Variants in HACD4 observed in about 807,000 individuals in gnomAD.
HACD4 encodes the protein very-long-chain (3R)-3-hydroxyacyl-CoA dehydratase 4.
HACD4 carries 35 observed loss-of-function variants against 33.3 expected under a neutral mutation model. That is an observed-to-expected ratio of 1.05 (90% CI 0.80 to 1.39). The LOEUF is 1.39. Ranked by LOEUF, HACD4 falls within the 40% of genes most tolerant of loss-of-function variation. The pLI is 0.00. For missense variants in HACD4, 323 were observed against 276.5 expected (o/e 1.17, Z -1.19); for synonymous variants, 118 against 98.0 (o/e 1.20, Z -1.21).
intron 3 of HACD4, among the ~76,000 whole-genome samples, chr9:21,020,544 T>C (rs971089623): frequency 7.9e-5 from 12 of 152,236 alleles, no homozygotes; most frequent in African/African-American, 2.9e-4. Context: ...GTTGTTTTGA[T>C]TAAATTTACT....
rs1463927903 is a variant in HACD4, at chr9:21,031,630, G to A, written c.-40C>T. 2 of 1,352,194 alleles carry A rather than the reference G, an allele frequency of 1.5e-6. No individual in the cohort carries two copies. Among genetic ancestry groups the A allele is most frequent in the East Asian group, 6.2e-5 (2 of 32,206 alleles). 83.8% of individuals were successfully genotyped at this position (1,352,194 alleles called of 1,614,324 possible). A position where few individuals can be genotyped will look rare whatever the true frequency, so the allele number is the denominator to read the frequency against. On this transcript the variant is annotated 5_prime_UTR_variant, in exon 1 of 7. Transcript: ENST00000495827. ...AGGGCTTCCAGCGCGGTCCAGGAAG[G>A]AGTACCGGGGAGGAGGCAGGGGCGG... is the stretch of plus-strand genomic sequence containing the variant.
intron 3 of HACD4, among the ~76,000 whole-genome samples, chr9:21,021,796 C>T (rs1433990457): frequency 6.6e-6 from 1 of 152,110 alleles, no homozygotes; most frequent in African/African-American, 2.4e-5. Flanking sequence ...TGAAAATGGC[C>T]ATACTGCCCA....
chr9:21,019,962 ATTCCTTTG>A (rs1817863116), intron 3 of HACD4, among the ~76,000 whole-genome samples: 1 of 152,094 alleles, frequency 6.6e-6, no homozygotes, highest in Non-Finnish European at 1.5e-5. Flanking sequence ...GCAAAAAGGA[ATTCCTTTG>A]GGAATTCCTT....
Position 21,016,735 on chromosome 9 carries a change from A to G in HACD4, c.271-725T>C, listed in dbSNP as rs551629448. Among the ~76,000 whole-genome samples the G allele has an allele frequency of 5.8e-3, 890 of 152,188 alleles. 16 individuals carry two copies. Among genetic ancestry groups the G allele is most frequent in the African/African-American group, 0.021 (855 of 41,522 alleles). ...GGAGGTGGGTTGTGAAGGGTTTTGA[A>G]AGACAGGCTGAGAAATTTCAGTTCC... On this transcript the variant is annotated intron_variant, in intron 3 of 6. Transcript: ENST00000495827.
chr9:21,025,449 A>G (rs1818038679), intron 3 of HACD4, among the ~76,000 whole-genome samples: 1 of 152,136 alleles, frequency 6.6e-6, no homozygotes, highest in Admixed American at 6.5e-5. Flanking sequence ...ACACCATAAA[A>G]TTCTGACATT....
chr9:21,028,118 A>T lies in HACD4; in HGVS notation c.142+1177T>A, dbSNP rs900154514. ...CCATTGCACTCCAGCCTGGGCGACA[A>T]GAGGGAAACTCCATCTCAAAAAAAA... On this transcript the variant is annotated intron_variant, in intron 2 of 6. Transcript: ENST00000495827. Among the ~76,000 whole-genome samples the T allele has an allele frequency of 7.0e-5, 10 of 143,794 alleles. No individual in the cohort carries two copies. In the Admixed American group the frequency reaches 7.5e-4, roughly 11 times the overall value. 94.3% of individuals were successfully genotyped at this position (143,794 alleles called of 152,430 possible).
chr9:21,023,937 T>C (rs1208579596), intron 3 of HACD4, among the ~76,000 whole-genome samples: 9 of 152,230 alleles, frequency 5.9e-5, no homozygotes, highest in Non-Finnish European at 1.2e-4. Context: ...ACATGGTTTT[T>C]TAGCTTACTT....
rs940798175 is a variant in HACD4, at chr9:21,000,645, G to A, written c.*6392C>T. 3.9e-5 allele frequency: 6 copies of A among 152,006 alleles called. No individual in the cohort carries two copies. The highest frequency in any genetic ancestry group is 7.4e-5 in the Non-Finnish European group (5 of 67,976). The allele number at this position is 152,006 out of a possible 1,614,324, so 9.4% of individuals were successfully genotyped here. A position where few individuals can be genotyped will look rare whatever the true frequency, so the allele number is the denominator to read the frequency against. On this transcript the variant is annotated 3_prime_UTR_variant, in exon 7 of 7. Transcript: ENST00000495827. ...TCAACATTAGCATATAACTCAGACC[G>A]AGAAGAATATTAAAATTATCCGAAC...
chr9:21,028,457 T>C (rs1374002015), intron 2 of HACD4, among the ~76,000 whole-genome samples: 1 of 152,252 alleles, frequency 6.6e-6, no homozygotes, highest in African/African-American at 2.4e-5. Flanking sequence ...CGAGACTATA[T>C]CTGTAGATTT....
intron 1 of HACD4, among the ~76,000 whole-genome samples, chr9:21,030,914 C>T (rs1587844679): frequency 6.6e-6 from 1 of 152,156 alleles, no homozygotes; most frequent in Non-Finnish European, 1.5e-5. Context: ...ACGGGAGTGG[C>T]CCTGCCAGTG....
intron 1 of HACD4, 78 bp downstream of exon 1, chr9:21,031,475 C>T: frequency 4.4e-6 from 6 of 1,367,010 alleles, no homozygotes; most frequent in South Asian, 1.7e-5. Context: ...CGCCCGCCCG[C>T]CCGCCGCAGA....
chr9:21,025,198 T>A (rs1818031211), intron 3 of HACD4, among the ~76,000 whole-genome samples: 1 of 152,184 alleles, frequency 6.6e-6, no homozygotes, highest in South Asian at 2.1e-4. Flanking sequence ...TTCAACATTT[T>A]AAATGTCTTT....
intron 5 of HACD4, among the ~76,000 whole-genome samples, chr9:21,009,528 A>G (rs534164600): frequency 2.0e-5 from 3 of 152,256 alleles, no homozygotes; most frequent in African/African-American, 7.2e-5. Context: ...TCCTTTATAT[A>G]TTCTTTTAAA....
rs560359202 is a variant in HACD4 at position 21,009,337 on chromosome 9, A to T, written c.491-1191T>A. On this transcript the variant is annotated intron_variant, in intron 5 of 6. Coordinates refer to ENST00000495827, the MANE Select transcript of HACD4 (RefSeq NM_001010915.5). ...TTTTCTGCATATACCTTATTTTGTA[A>T]TTGCAAGAATAAGTTTATGAAGTTA... is the stretch of plus-strand genomic sequence containing the variant. 7.2e-5 allele frequency among the ~76,000 whole-genome samples: 11 copies of T among 152,192 alleles called. No homozygotes were observed. In the South Asian group the frequency reaches 8.3e-4, roughly 11 times the overall value.
chr9:21,000,151 A>C lies in HACD4; in HGVS notation c.*6886T>G, dbSNP rs1355261460. The C allele has an allele frequency of 6.6e-6, 1 of 152,196 alleles. No individual in the cohort carries two copies. Among genetic ancestry groups the C allele is most frequent in the African/African-American group, 2.4e-5 (1 of 41,460 alleles). 9.4% of individuals were successfully genotyped at this position (152,196 alleles called of 1,614,324 possible). On this transcript the variant is annotated 3_prime_UTR_variant, in exon 7 of 7. Coordinates refer to ENST00000495827, the MANE Select transcript of HACD4 (RefSeq NM_001010915.5). ...ACACCTACATGTATGTGATGAATTA[A>C]GGCATACTTTTACTAATTGACTTTC...
chr9:21,017,563 C>G (rs1206660837), intron 3 of HACD4, among the ~76,000 whole-genome samples: 1 of 152,168 alleles, frequency 6.6e-6, no homozygotes, highest in Non-Finnish European at 1.5e-5. Flanking sequence ...TTCTTAGGCT[C>G]TACCTCTCTT....
At chr9:21,020,120 G>A (rs1322685391) in intron 3 of HACD4, among the ~76,000 whole-genome samples, 1 of 151,984 alleles carries the variant, frequency 6.6e-6, no homozygotes, top group Non-Finnish European at 1.5e-5. Context: ...GCTCATAAAT[G>A]GAATCTCCGT....
chr9:20,999,523 G>A lies in HACD4; in HGVS notation c.*7514C>T, dbSNP rs1340145773. The A allele has an allele frequency of 6.6e-6, 1 of 152,084 alleles. No homozygotes were observed. Among genetic ancestry groups the A allele is most frequent in the Non-Finnish European group, 1.5e-5 (1 of 67,986 alleles). The allele number at this position is 152,084 out of a possible 1,614,324, so 9.4% of individuals were successfully genotyped here. A position where few individuals can be genotyped will look rare whatever the true frequency, so the allele number is the denominator to read the frequency against. On this transcript the variant is annotated 3_prime_UTR_variant, in exon 7 of 7. Coordinates refer to ENST00000495827, the MANE Select transcript of HACD4 (RefSeq NM_001010915.5). Reference sequence around the variant, plus strand: ...TGACATGTATATGGGGACTCAGGAAGACAGTGGAAGTTTATTAAGAAATTG... The same window carrying A: ...TGACATGTATATGGGGACTCAGGAAAACAGTGGAAGTTTATTAAGAAATTG...
chr9:21,029,183 A>G, intron 2 of HACD4, 112 bp downstream of exon 2: 1 of 638,054 alleles, frequency 1.6e-6, no homozygotes, highest in South Asian at 2.0e-5. Flanking sequence ...AAAAATACAA[A>G]TTTTAGAGAA....
Sources: gnomAD v4.1 joint callset for allele counts (sites outside exome capture counted in the v4.1 genomes callset) on GRCh38, gnomAD v4.1.1 for gene constraint, MANE v1.5 for transcripts, NCBI Gene and HGNC (gene_info 2026-07-23, HGNC 2026-07-21) for gene names.